CA5B: variants seen among roughly 807,000 people sequenced by gnomAD.
The protein encoded by CA5B is carbonic anhydrase 5B, mitochondrial.
Under a neutral mutation model 23.1 loss-of-function variants are expected in CA5B, and 15 were observed. That is an observed-to-expected ratio of 0.65 (90% CI 0.43 to 1.00). The LOEUF is 1.00. Ranked by LOEUF, CA5B falls within the 50% of genes least tolerant of loss-of-function variation. CA5B has a pLI of 0.00. For synonymous variants in CA5B, 84 were observed against 98.5 expected (o/e 0.85, Z 0.87); for missense variants, 236 against 252.2 (o/e 0.94, Z 0.43).
chrX:15,762,812 T>C, intron 2 of CA5B: 1 of 372,396 alleles, frequency 2.7e-6, no homozygotes, highest in Non-Finnish European at 5.4e-6. Flanking sequence ...TACCCATCCA[T>C]GGTACTTCTA....
chrX:15,772,733 A>G, intron 4 of CA5B, 119 bp downstream of exon 4: 2 of 416,863 alleles, frequency 4.8e-6, no homozygotes, highest in Non-Finnish European at 8.4e-6. Flanking sequence ...TAGCTTTCTC[A>G]GGCAGTTTTG....
At chrX:15,761,186 A>T (rs5980178) in intron 2 of CA5B, among the ~76,000 whole-genome samples, 13 of 105,955 alleles carry the variant, frequency 1.2e-4, no homozygotes, top group Non-Finnish European at 2.4e-4. Context: ...TTTCTTTTTT[A>T]AAATTTCTAT....
chrX:15,775,172 A>T, intron 5 of CA5B, 74 bp from the exon 6 acceptor site: 1 of 779,322 alleles, frequency 1.3e-6, no homozygotes, highest in Non-Finnish European at 1.9e-6. Flanking sequence ...AGTTAATTTT[A>T]ATTCACATTC....
chrX:15,762,503 G>A (rs772591282), intron 2 of CA5B, among the ~76,000 whole-genome samples: 5 of 107,604 alleles, frequency 4.6e-5, no homozygotes, highest in South Asian at 4.3e-4. Flanking sequence ...GTGCAGTGGC[G>A]CAATCTCGGC....
intron 1 of CA5B, among the ~76,000 whole-genome samples, chrX:15,745,183 A>AAAAAAAAAG (rs1555992328): frequency 2.5e-4 from 22 of 86,785 alleles, no homozygotes; most frequent in Non-Finnish European, 4.1e-4. Flanking sequence ...AAAAAAAAAA[A>AAAAAAAAAG]AAAAGAAAAG....
intron 3 of CA5B, chrX:15,767,241 G>A (rs1931726123): frequency 7.2e-6 from 1 of 139,779 alleles, no homozygotes; most frequent in Non-Finnish European, 1.3e-5. Flanking sequence ...TGACAGTATA[G>A]GGACTGTCTG....
chrX:15,771,512 C>T (rs1931820087), intron 3 of CA5B, among the ~76,000 whole-genome samples: 1 of 109,766 alleles, frequency 9.1e-6, no homozygotes, highest in Non-Finnish European at 1.9e-5. Flanking sequence ...CCGCAACCTC[C>T]GCCTCCTGGG....
chrX:15,743,059 T>G (rs1931154724), intron 1 of CA5B, among the ~76,000 whole-genome samples: 1 of 112,524 alleles, frequency 8.9e-6, no homozygotes, highest in Non-Finnish European at 1.9e-5. Context: ...CCATTACCTG[T>G]GAACCTCATC....
At chrX:15,747,899 A>AGAGAGGAGAGCAGCTCTTTCTCTTGC (rs760339095) in intron 1 of CA5B, among the ~76,000 whole-genome samples, 2,036 of 110,512 alleles carry the variant, frequency 0.018, 65 homozygotes, top group African/African-American at 0.064. Flanking sequence ...AGAAGAAAGG[A>AGAGAGGAGAGCAGCTCTTTCTCTTGC]GAGAGGAGAG....
At chrX:15,740,925 G>A (rs1931106717) in intron 1 of CA5B, among the ~76,000 whole-genome samples, 1 of 111,172 alleles carries the variant, frequency 9.0e-6, no homozygotes, top group East Asian at 2.9e-4. Context: ...TTAGCTGGAC[G>A]TGGTGGTACG....
chrX:15,780,976 G>C (rs12391072), intron 7 of CA5B, among the ~76,000 whole-genome samples: 40,050 of 106,070 alleles, frequency 0.38, 6,467 homozygotes, highest in Non-Finnish European at 0.51. Flanking sequence ...AAAGTATTTT[G>C]TTTTCTTTTT....
At chrX:15,772,374 T>C (rs931188881) in intron 3 of CA5B, 122 bp from the exon 4 acceptor site, 10 of 446,742 alleles carry the variant, frequency 2.2e-5, no homozygotes, top group Non-Finnish European at 4.0e-5. Context: ...CACTTGTATA[T>C]AATTCAGTGT....
chrX:15,750,188 G>A (rs1449252503), intron 2 of CA5B, 23 bp downstream of exon 2: 3 of 1,132,428 alleles, frequency 2.6e-6, no homozygotes, highest in South Asian at 1.9e-5. Context: ...CTTCCTTAAA[G>A]AGAACAAAAA....
At chrX:15,748,988 T>C (rs1205869269) in intron 1 of CA5B, among the ~76,000 whole-genome samples, 2 of 111,792 alleles carry the variant, frequency 1.8e-5, no homozygotes, top group African/African-American at 6.5e-5. Context: ...TGCAAATGGA[T>C]GTGAGGCCGA....
At chrX:15,747,018 C>T (rs1378967027) in intron 1 of CA5B, among the ~76,000 whole-genome samples, 1 of 111,787 alleles carries the variant, frequency 8.9e-6, no homozygotes, top group Non-Finnish European at 1.9e-5. Flanking sequence ...CCTGCAGAGG[C>T]AGACTCGTCC....
At chrX:15,760,629 C>T (rs1931586134) in intron 2 of CA5B, among the ~76,000 whole-genome samples, 1 of 111,415 alleles carries the variant, frequency 9.0e-6, no homozygotes, top group Non-Finnish European at 1.9e-5. Context: ...TCTTAGGGAC[C>T]TAATCACTCC....
In CA5B at chrX:15,784,524, T is replaced by G. The variant is rs1230373353; in HGVS notation, c.*1860T>G. On this transcript the variant is annotated 3_prime_UTR_variant, in exon 8 of 8. Transcript: ENST00000318636. Reference sequence around the variant, plus strand: ...CTCCTGTGGCTCTTGCTTATAAATATCTTGGAATGTTTCTGAATGCCTCTA... The same window carrying G: ...CTCCTGTGGCTCTTGCTTATAAATAGCTTGGAATGTTTCTGAATGCCTCTA... The G allele has an allele frequency of 8.9e-6, 1 of 112,403 alleles. No individual in the cohort carries two copies. 9.3% of individuals were successfully genotyped at this position (112,403 alleles called of 1,213,427 possible). A position where few individuals can be genotyped will look rare whatever the true frequency, so the allele number is the denominator to read the frequency against.
At chrX:15,781,750 A>G (rs1932027154) in intron 7 of CA5B, among the ~76,000 whole-genome samples, 1 of 110,770 alleles carries the variant, frequency 9.0e-6, no homozygotes, top group Non-Finnish European at 1.9e-5. Flanking sequence ...CCCTGTCTCT[A>G]CAAAAAATTA....
intron 7 of CA5B, among the ~76,000 whole-genome samples, chrX:15,778,232 A>G (rs1006647524): frequency 8.9e-6 from 1 of 112,348 alleles, no homozygotes; most frequent in African/African-American, 3.2e-5. Context: ...AAGTTAACAC[A>G]TTATAGGATC....
Sources: gnomAD v4.1 joint callset for allele counts (sites outside exome capture counted in the v4.1 genomes callset) on GRCh38, gnomAD v4.1.1 for gene constraint, MANE v1.5 for transcripts, NCBI Gene and HGNC (gene_info 2026-07-23, HGNC 2026-07-21) for gene names.